VAV2: variants seen among roughly 807,000 people sequenced by gnomAD.
VAV2 encodes guanine nucleotide exchange factor VAV2.
Under a neutral mutation model 132.5 loss-of-function variants are expected in VAV2, and 67 were observed. That is an observed-to-expected ratio of 0.51 (90% CI 0.42 to 0.62). VAV2 has a LOEUF of 0.62. VAV2 is among the 20% of genes least tolerant of loss of function. The probability of loss-of-function intolerance (pLI) is 0.00; values close to 1 mark genes in which losing one functional copy is unlikely to be tolerated. For synonymous variants in VAV2, 492 were observed against 443.5 expected, an observed-to-expected ratio of 1.11 and a Z score of -1.37; for missense variants, 938 against 1,153.6, an observed-to-expected ratio of 0.81 and a Z score of 2.71.
At chr9:133,825,457 G>T (rs1289207055) in intron 4 of VAV2, among the ~76,000 whole-genome samples, 2 of 152,140 alleles carry the variant, frequency 1.3e-5, no homozygotes, top group Non-Finnish European at 2.9e-5. Flanking sequence ...TTCTCGTGGG[G>T]CCGTTTTCGT....
intron 19 of VAV2, among the ~76,000 whole-genome samples, chr9:133,782,563 A>T (rs1178977388): frequency 6.6e-6 from 1 of 152,314 alleles, no homozygotes; most frequent in Admixed American, 6.5e-5. Context: ...CCATTGATCT[A>T]AAATCACAGC....
At chr9:133,949,615 C>T (rs1346114968) in intron 1 of VAV2, among the ~76,000 whole-genome samples, 3 of 152,190 alleles carry the variant, frequency 2.0e-5, no homozygotes, top group Non-Finnish European at 4.4e-5. Flanking sequence ...AATGCTGCTG[C>T]GAGATGGGAA....
rs1264354450 is a variant in VAV2, at chr9:133,992,002, T to A, written c.204+73A>T. 33 of 1,283,006 alleles carry A rather than the reference T, an allele frequency of 2.6e-5. No homozygotes were observed. The highest frequency in any genetic ancestry group is 3.3e-5 in the Non-Finnish European group (33 of 1,000,312). 79.5% of individuals were successfully genotyped at this position (1,283,006 alleles called of 1,614,324 possible). A position where few individuals can be genotyped will look rare whatever the true frequency, so the allele number is the denominator to read the frequency against. ...CGCCTGGGCCGCCGCCGCTGCGACC[T>A]CCGCGTTCAGTCCGCGCGTCGGGCA... On this transcript the variant is annotated intron_variant, in intron 1 of 29. Coordinates refer to ENST00000371850, the MANE Select transcript of VAV2 (RefSeq NM_001134398.2). The surrounding 1 kb of genome is among the most constrained non-coding windows in gnomAD (Gnocchi z 5.5).
At chr9:133,948,500 G>A (rs1841446402) in intron 1 of VAV2, among the ~76,000 whole-genome samples, 1 of 152,166 alleles carries the variant, frequency 6.6e-6, no homozygotes, top group African/African-American at 2.4e-5. Context: ...GCAGAGAGAG[G>A]GGCAGGCCAG....
At position 133,987,883 on chromosome 9, in the gene VAV2, G is replaced by A. The variant is rs1842905471; in HGVS notation, c.204+4192C>T. On this transcript the variant is annotated intron_variant, in intron 1 of 29. Coordinates refer to ENST00000371850, the MANE Select transcript of VAV2 (RefSeq NM_001134398.2). ...AACAAAATAAAATAAAGTAGATCCT[G>A]CCAGCTTCAGAAGAAATGACCAGGT... 2.6e-5 allele frequency among the ~76,000 whole-genome samples: 4 copies of A among 152,216 alleles called. No homozygotes were observed. In the South Asian group the frequency reaches 8.3e-4, roughly 32 times the overall value.
At position 133,826,540 on chromosome 9, in the gene VAV2, C is replaced by G. The variant is rs1024920577; in HGVS notation, c.449+7732G>C. Among the ~76,000 whole-genome samples the G allele has an allele frequency of 2.6e-5, 4 of 152,324 alleles. No homozygotes were observed. Among genetic ancestry groups the G allele is most frequent in the East Asian group, 3.9e-4 (2 of 5,184 alleles). The stretch of plus-strand genomic sequence containing the variant: ...CAGCAGCCTGTGAGGTTGCAGGACC[C>G]TGCTCTGCAGACAAGGATGCTCCTG... On this transcript the variant is annotated intron_variant, in intron 4 of 29. Transcript: ENST00000371850. The surrounding 1 kb of genome is among the most constrained non-coding windows in gnomAD (Gnocchi z 4.2).
chr9:133,818,870 G>A (rs961680436), intron 4 of VAV2, among the ~76,000 whole-genome samples: 4 of 152,004 alleles, frequency 2.6e-5, no homozygotes, highest in Non-Finnish European at 4.4e-5. Context: ...TCAGCCTCCC[G>A]AGTAGCTGGG....
At chr9:133,830,902 T>A (rs1836236635) in intron 4 of VAV2, among the ~76,000 whole-genome samples, 1 of 152,154 alleles carries the variant, frequency 6.6e-6, no homozygotes, top group Non-Finnish European at 1.5e-5. Flanking sequence ...GGGACCAAAT[T>A]GCAAGTTAAA....
chr9:133,788,429 G>A lies in VAV2; in HGVS notation c.1332C>T (p.Tyr444=), dbSNP rs56296048. The change falls in exon 15 of 30, where the codon TAC becomes TAT. Residue 444 remains tyrosine (Y), a synonymous_variant. Coordinates refer to ENST00000371850, the MANE Select transcript of VAV2 (RefSeq NM_001134398.2). This position sits in a 1 kb window ranked among gnomAD's most constrained non-coding sequence, Gnocchi z 5.3. ...GCAGCTCGATGATCTCCTTGAGCTCGTAGCTGTAGCCCTTCCGCTTGCAGA... is the reference window on the plus strand; with the variant it reads ...GCAGCTCGATGATCTCCTTGAGCTCATAGCTGTAGCCCTTCCGCTTGCAGA... ...VIVCKRKGYS[Y]ELKEIIELLF... 16,281 of 1,612,838 alleles carry A rather than the reference G, an allele frequency of 0.01. 100 individuals are homozygous for A. The highest frequency in any genetic ancestry group is 0.012 in the Non-Finnish European group (14,269 of 1,178,986).
Position 133,935,201 on chromosome 9 carries a change from AT to A in VAV2, c.321+3901del, listed in dbSNP as rs149825751. Among the ~76,000 whole-genome samples, 700 of 152,318 alleles carry A rather than the reference AT, an allele frequency of 4.6e-3. 2 individuals are homozygous for A. The highest frequency in any genetic ancestry group is 0.016 in the African/African-American group (652 of 41,566). ...CTGGAGGCCGCCGAGCTCATTTGGA[AT>A]GGCCAGGGCGTCCCAACTGGGCTGA... On this transcript the variant is annotated intron_variant, in intron 2 of 29. Coordinates refer to ENST00000371850, the MANE Select transcript of VAV2 (RefSeq NM_001134398.2). The surrounding 1 kb of genome is among the most constrained non-coding windows in gnomAD (Gnocchi z 5.2).
chr9:133,899,714 C>T (rs923823146), intron 2 of VAV2, among the ~76,000 whole-genome samples: 4 of 146,206 alleles, frequency 2.7e-5, no homozygotes, highest in Non-Finnish European at 6.0e-5. Flanking sequence ...CTGGCCTCTA[C>T]CAAAAATTTA....
Position 133,883,682 on chromosome 9 carries a change from C to G in VAV2, c.322-22250G>C, listed in dbSNP as rs1340459297. 1.3e-5 allele frequency among the ~76,000 whole-genome samples: 2 copies of G among 152,220 alleles called. No individual in the cohort carries two copies. The highest frequency in any genetic ancestry group is 4.8e-5 in the African/African-American group (2 of 41,456). On this transcript the variant is annotated intron_variant, in intron 2 of 29. Coordinates refer to ENST00000371850, the MANE Select transcript of VAV2 (RefSeq NM_001134398.2). The surrounding 1 kb of genome is among the most constrained non-coding windows in gnomAD (Gnocchi z 4.2). Reference sequence around the variant, plus strand: ...CTGGGGAGGCTTCCGGTCACCTGTGCAATGCCACCAGCAGCTTCTTGCATG... The same window carrying G: ...CTGGGGAGGCTTCCGGTCACCTGTGGAATGCCACCAGCAGCTTCTTGCATG...
chr9:133,842,735 C>T (rs1446442943), intron 3 of VAV2, among the ~76,000 whole-genome samples: 1 of 152,220 alleles, frequency 6.6e-6, no homozygotes, highest in African/African-American at 2.4e-5. Flanking sequence ...AGTGGCATCT[C>T]ACCCAGGCGG....
At chr9:133,956,366 G>A (rs1044629985) in intron 1 of VAV2, among the ~76,000 whole-genome samples, 1 of 152,194 alleles carries the variant, frequency 6.6e-6, no homozygotes, top group African/African-American at 2.4e-5. Context: ...GTTCTCAGCT[G>A]TGGGGTTGGG....
rs181556143 is a variant in VAV2 at position 133,975,731 on chromosome 9, A to G, written c.204+16344T>C. On this transcript the variant is annotated intron_variant, in intron 1 of 29. Transcript: ENST00000371850. ...AGAGGCACAGTGCCCTGGGTCCAAG[A>G]GAGTGTTGAGCTCTAAGAGAATATT... is the stretch of plus-strand genomic sequence containing the variant. Among the ~76,000 whole-genome samples, 36 of 152,336 alleles carry G rather than the reference A, an allele frequency of 2.4e-4. No homozygotes were observed. In the East Asian group the frequency reaches 6.8e-3, roughly 29 times the overall value.
chr9:133,945,165 C>T (rs1326208010), intron 1 of VAV2, among the ~76,000 whole-genome samples: 1 of 152,168 alleles, frequency 6.6e-6, no homozygotes, highest in Non-Finnish European at 1.5e-5. Context: ...ATGGTTTGAC[C>T]CCCAAGGCCA....
chr9:133,961,457 G>A lies in VAV2; in HGVS notation c.205-22238C>T, dbSNP rs1163843029. On this transcript the variant is annotated intron_variant, in intron 1 of 29. Coordinates refer to ENST00000371850, the MANE Select transcript of VAV2 (RefSeq NM_001134398.2). This position sits in a 1 kb window ranked among gnomAD's most constrained non-coding sequence, Gnocchi z 4.1. ...CTGGGGCTGCAGACCAGAGGGCCCTGGAATCCCCTTCTCCAACCCAGTCGG... is the reference window on the plus strand; with the variant it reads ...CTGGGGCTGCAGACCAGAGGGCCCTAGAATCCCCTTCTCCAACCCAGTCGG... Among the ~76,000 whole-genome samples the A allele has an allele frequency of 2.0e-5, 3 of 152,156 alleles. No individual in the cohort carries two copies. The highest frequency in any genetic ancestry group is 4.4e-5 in the Non-Finnish European group (3 of 68,028).
intron 5 of VAV2, 52 bp from the exon 6 acceptor site, chr9:133,810,257 C>T: frequency 6.2e-7 from 1 of 1,611,474 alleles, no homozygotes; most frequent in Non-Finnish European, 8.5e-7. Flanking sequence ...AGGGCCCACA[C>T]TGTCCTGGCA....
chr9:133,962,121 C>G (rs1029053535), intron 1 of VAV2, among the ~76,000 whole-genome samples: 1 of 152,176 alleles, frequency 6.6e-6, no homozygotes, highest in Admixed American at 6.5e-5. Context: ...GGAGTTCCAA[C>G]CCCACCCTGC....
Sources: gnomAD v4.1 joint callset for allele counts (sites outside exome capture counted in the v4.1 genomes callset) on GRCh38, gnomAD v4.1.1 for gene constraint, Gnocchi (gnomAD v3.1) non-coding constraint, MANE v1.5 for transcripts, NCBI Gene and HGNC (gene_info 2026-07-23, HGNC 2026-07-21) for gene names.